KIF13A: variants seen among roughly 807,000 people sequenced by gnomAD.
The protein encoded by KIF13A is kinesin family member 13A, also known as kinesin-like protein KIF13A.
In KIF13A, 79 loss-of-function variants were observed where a neutral mutation model predicts 212.2. The ratio of observed to expected loss-of-function variants is 0.37; its 90% confidence interval spans 0.31 to 0.45. KIF13A has a LOEUF of 0.45. Ranked by LOEUF, KIF13A falls within the 20% of genes least tolerant of loss-of-function variation. The pLI is 1.00. For synonymous variants in KIF13A, 789 were observed against 808.6 expected, an observed-to-expected ratio of 0.98 and a Z score of 0.41; for missense variants, 1,901 against 2,209.0, an observed-to-expected ratio of 0.86 and a Z score of 2.79.
downstream of KIF13A, among the ~76,000 whole-genome samples, chr6:17,763,475 C>CTCAA (rs778043166): frequency 1.3e-5 from 1 of 75,772 alleles, no homozygotes; most frequent in Non-Finnish European, 2.4e-5. Flanking sequence ...CACTCCATCT[C>CTCAA]AAAAAAAAAA....
chr6:17,936,541 A>C (rs1022107195), intron 2 of KIF13A, among the ~76,000 whole-genome samples: 1 of 152,146 alleles, frequency 6.6e-6, no homozygotes, highest in South Asian at 2.1e-4. Context: ...GTCCCAAGCA[A>C]ATGTTTAAGA....
intron 28 of KIF13A, among the ~76,000 whole-genome samples, chr6:17,784,607 T>G (rs991501412): frequency 6.6e-6 from 1 of 152,064 alleles, no homozygotes; most frequent in African/African-American, 2.4e-5. Context: ...CAGGCCTACA[T>G]GTTACAAACA....
Position 17,771,765 on chromosome 6 carries a change from A to T in KIF13A, c.4476+143T>A. The T allele has an allele frequency of 1.4e-6, 1 of 700,952 alleles. No homozygotes were observed. Among genetic ancestry groups the T allele is most frequent in the East Asian group, 2.5e-5 (1 of 40,260 alleles). The allele number at this position is 700,952 out of a possible 1,614,324, so 43.4% of individuals were successfully genotyped here. A position where few individuals can be genotyped will look rare whatever the true frequency, so the allele number is the denominator to read the frequency against. ...TCTACCATGACTCTGCATGCTTGAG[A>T]AAGAGGAATTCGAGAACGGGAACCA... On this transcript the variant is annotated intron_variant, in intron 37 of 38. Transcript: ENST00000259711. The surrounding 1 kb of genome is among the most constrained non-coding windows in gnomAD (Gnocchi z 5.4).
Position 17,826,572 on chromosome 6 carries a change from G to GA in KIF13A, c.1533-449dup, listed in dbSNP as rs1764975592. Among the ~76,000 whole-genome samples the GA allele has an allele frequency of 6.6e-6, 1 of 152,074 alleles. No individual in the cohort carries two copies. Among genetic ancestry groups the GA allele is most frequent in the Non-Finnish European group, 1.5e-5 (1 of 68,016 alleles). On this transcript the variant is annotated intron_variant, in intron 14 of 38. Coordinates refer to ENST00000259711, the MANE Select transcript of KIF13A (RefSeq NM_022113.6). This position sits in a 1 kb window ranked among gnomAD's most constrained non-coding sequence, Gnocchi z 4.7. ...AATAAAATGCAAGGAAGAAGAGAGA[G>GA]AGGCAGAGAGAGACAGGGATAAACA...
In KIF13A at chr6:17,843,677, G is replaced by A. The variant is rs1008641199; in HGVS notation, c.830+5700C>T. ...AGCCTCTGGACTTCCTGTTAAATGA[G>A]AAAAATTAACTCACGTCATTGTCAG... On this transcript the variant is annotated intron_variant, in intron 9 of 38. Coordinates refer to ENST00000259711, the MANE Select transcript of KIF13A (RefSeq NM_022113.6). This position sits in a 1 kb window ranked among gnomAD's most constrained non-coding sequence, Gnocchi z 5.3. 6.6e-6 allele frequency among the ~76,000 whole-genome samples: 1 copy of A among 152,180 alleles called. No individual in the cohort carries two copies. Among genetic ancestry groups the A allele is most frequent in the African/African-American group, 2.4e-5 (1 of 41,444 alleles).
intron 2 of KIF13A, among the ~76,000 whole-genome samples, chr6:17,933,904 C>T (rs1370824533): frequency 1.3e-5 from 2 of 152,124 alleles, no homozygotes; most frequent in Non-Finnish European, 2.9e-5. Context: ...TTTATCTCAG[C>T]CAGCTCCTGG....
rs1354414286 is a variant in KIF13A at position 17,961,372 on chromosome 6, C to A, written c.146+25682G>T. 6.6e-6 allele frequency among the ~76,000 whole-genome samples: 1 copy of A among 152,162 alleles called. No homozygotes were observed. Among genetic ancestry groups the A allele is most frequent in the African/African-American group, 2.4e-5 (1 of 41,444 alleles). Reference sequence around the variant, plus strand: ...TAAGTTATTAAGATAGGCAATAAATCATGTCCCAGCATGAAAGGGACCTAA... The same window carrying A: ...TAAGTTATTAAGATAGGCAATAAATAATGTCCCAGCATGAAAGGGACCTAA... On this transcript the variant is annotated intron_variant, in intron 2 of 38. Transcript: ENST00000259711. The surrounding 1 kb of genome is among the most constrained non-coding windows in gnomAD (Gnocchi z 4.1).
At chr6:17,955,539 C>T (rs1462855199) in intron 2 of KIF13A, among the ~76,000 whole-genome samples, 2 of 152,166 alleles carry the variant, frequency 1.3e-5, no homozygotes, top group Non-Finnish European at 2.9e-5. Flanking sequence ...TTTTCTTGTG[C>T]CCATAAGACA....
intron 9 of KIF13A, among the ~76,000 whole-genome samples, chr6:17,846,604 TA>T (rs11431431): frequency 0.011 from 1,424 of 126,984 alleles, 19 homozygotes; most frequent in African/African-American, 0.04. Context: ...CCCATTTCTT[TA>T]AAAAAAAAAA....
intron 9 of KIF13A, among the ~76,000 whole-genome samples, chr6:17,840,594 T>C (rs1415514597): frequency 6.6e-6 from 1 of 152,204 alleles, no homozygotes; most frequent in Non-Finnish European, 1.5e-5. Context: ...GACATGGATT[T>C]ATCCATCACC....
At position 17,808,860 on chromosome 6, in the gene KIF13A, C is replaced by G; in HGVS notation, c.2071G>C (p.Glu691Gln). 6.2e-7 allele frequency: 1 copy of G among 1,613,728 alleles called. No homozygotes were observed. Among genetic ancestry groups the G allele is most frequent in the Non-Finnish European group, 8.5e-7 (1 of 1,179,792 alleles). The stretch of plus-strand genomic sequence containing the variant: ...ATTTCCTCAGCCAGGAAGTTTGCTT[C>G]CCTCACCAAGGTATTAGCTTTAACC... Reference protein sequence around the residue: ...QLVKANTLVREANFLAEEMSK... With the variant: ...QLVKANTLVRQANFLAEEMSK... Residue 691 changes from glutamate to glutamine, a missense_variant, in exon 18 of 39, where the codon GAA (glutamate) becomes CAA (glutamine). Glu to Gln is a conservative substitution (Grantham distance 29, BLOSUM62 2). Around this residue, in one of 5 missense-constraint regions of KIF13A, gnomAD observed 534 missense variants for 536.9 expected, o/e 0.99. Coordinates refer to ENST00000259711, the MANE Select transcript of KIF13A (RefSeq NM_022113.6).
intron 2 of KIF13A, among the ~76,000 whole-genome samples, chr6:17,903,577 AG>A (rs998290442): frequency 6.6e-6 from 1 of 152,162 alleles, no homozygotes; most frequent in African/African-American, 2.4e-5. Context: ...GTGCTTTAAG[AG>A]GTACAAACAA....
At chr6:17,974,643 G>A (rs1177234807) in intron 2 of KIF13A, among the ~76,000 whole-genome samples, 1 of 139,486 alleles carries the variant, frequency 7.2e-6, no homozygotes, top group Non-Finnish European at 1.5e-5. Flanking sequence ...TAGTAACTGG[G>A]ACACCTGGGA....
Position 17,825,854 on chromosome 6 carries a change from T to A in KIF13A, c.1700A>T (p.Asp567Val). Residue 567 changes from aspartate to valine, a missense_variant, in exon 16 of 39, where the codon GAT (aspartate) becomes GTT (valine). Around this residue, in one of 5 missense-constraint regions of KIF13A, gnomAD observed 534 missense variants for 536.9 expected, o/e 0.99. Coordinates refer to ENST00000259711, the MANE Select transcript of KIF13A (RefSeq NM_022113.6). The surrounding 1 kb of genome is among the most constrained non-coding windows in gnomAD (Gnocchi z 4.5). The stretch of plus-strand genomic sequence containing the variant: ...TTCAGAGGAAGCCTCACTGGCTGCA[T>A]CCAGGTCATGCTCTGGCGGGCCCGT... ...KETGPPEHDLDAASEASSEPD... is the reference protein window; with the variant it reads ...KETGPPEHDLVAASEASSEPD... 6.2e-7 allele frequency: 1 copy of A among 1,613,978 alleles called. No homozygotes were observed. Among genetic ancestry groups the A allele is most frequent in the Non-Finnish European group, 8.5e-7 (1 of 1,179,854 alleles).
intron 6 of KIF13A, among the ~76,000 whole-genome samples, chr6:17,852,311 T>C (rs1427946408): frequency 3.2e-4 from 49 of 152,204 alleles, no homozygotes; most frequent in Admixed American, 3.2e-3. Context: ...AGGCTGTCAG[T>C]TATACTTTGG....
chr6:17,881,037 G>T (rs374324823), intron 3 of KIF13A, among the ~76,000 whole-genome samples: 1 of 152,050 alleles, frequency 6.6e-6, no homozygotes, highest in Non-Finnish European at 1.5e-5. Context: ...GCTTTTCAAC[G>T]GAAAAAACAG....
At position 17,892,894 on chromosome 6, in the gene KIF13A, T is replaced by C. The variant is rs1226835818; in HGVS notation, c.159+5274A>G. On this transcript the variant is annotated intron_variant, in intron 3 of 38. Transcript: ENST00000259711. The surrounding 1 kb of genome is among the most constrained non-coding windows in gnomAD (Gnocchi z 4.7). Reference sequence around the variant, plus strand: ...GGCAATATTATGTAAAGGGCGTTCCTGAGTTCTGTGAGCCATTCTAGCAAA... The same window carrying C: ...GGCAATATTATGTAAAGGGCGTTCCCGAGTTCTGTGAGCCATTCTAGCAAA... Among the ~76,000 whole-genome samples the C allele has an allele frequency of 3.9e-5, 6 of 152,228 alleles. No homozygotes were observed. The highest frequency in any genetic ancestry group is 8.8e-5 in the Non-Finnish European group (6 of 68,036).
downstream of KIF13A, among the ~76,000 whole-genome samples, chr6:17,762,400 A>T (rs887565818): frequency 3.3e-5 from 5 of 151,876 alleles, no homozygotes; most frequent in Non-Finnish European, 7.4e-5. Flanking sequence ...TTTAGTAGAG[A>T]TGGGGTTTCA....
At position 17,783,510 on chromosome 6, in the gene KIF13A, T is replaced by C; in HGVS notation, c.3544+136A>G. The C allele has an allele frequency of 1.5e-6, 1 of 683,690 alleles. No homozygotes were observed. Among genetic ancestry groups the C allele is most frequent in the East Asian group, 2.7e-5 (1 of 36,832 alleles). The allele number at this position is 683,690 out of a possible 1,614,324, so 42.4% of individuals were successfully genotyped here. ...ACATATCATGCTTATATACGTTTAATGAGAACAAAAATGTCACCCAATTTG... is the reference window on the plus strand; with the variant it reads ...ACATATCATGCTTATATACGTTTAACGAGAACAAAAATGTCACCCAATTTG... On this transcript the variant is annotated intron_variant, in intron 29 of 38. Coordinates refer to ENST00000259711, the MANE Select transcript of KIF13A (RefSeq NM_022113.6). This position sits in a 1 kb window ranked among gnomAD's most constrained non-coding sequence, Gnocchi z 4.3.
Sources: gnomAD v4.1 joint callset for allele counts (sites outside exome capture counted in the v4.1 genomes callset) on GRCh38, gnomAD v4.1.1 for gene constraint, gnomAD v4.1.1 regional missense constraint, Gnocchi (gnomAD v3.1) non-coding constraint, MANE v1.5 for transcripts, NCBI Gene and HGNC (gene_info 2026-07-23, HGNC 2026-07-21) for gene names.